DBF4: variants seen among roughly 807,000 people sequenced by gnomAD.
DBF4 encodes the protein protein DBF4 homolog A.
In DBF4, 25 loss-of-function variants were observed where a neutral mutation model predicts 76.6. The ratio of observed to expected loss-of-function variants is 0.33; its 90% confidence interval spans 0.24 to 0.46. DBF4 has a LOEUF of 0.46. Among genes scored for constraint, DBF4 ranks in the 20% least tolerant of loss-of-function variants. The pLI is 1.00. For missense variants in DBF4, 638 were observed against 760.8 expected, an observed-to-expected ratio of 0.84 and a Z score of 1.90; for synonymous variants, 213 against 258.0, an observed-to-expected ratio of 0.83 and a Z score of 1.67.
intron 2 of DBF4, among the ~76,000 whole-genome samples, chr7:87,879,083 C>T (rs530232529): frequency 2.6e-5 from 4 of 152,214 alleles, no homozygotes; most frequent in South Asian, 2.1e-4. Flanking sequence ...TGAGTAGCTA[C>T]GATTACAGGC....
At chr7:87,891,503 T>G (rs1562761080) in intron 6 of DBF4, among the ~76,000 whole-genome samples, 2 of 152,202 alleles carry the variant, frequency 1.3e-5, no homozygotes, top group African/African-American at 2.4e-5. Flanking sequence ...CTTCAGTGCA[T>G]GTTGGTAGTC....
chr7:87,903,158 C>T (rs561724302), intron 10 of DBF4, among the ~76,000 whole-genome samples: 1 of 152,374 alleles, frequency 6.6e-6, no homozygotes, highest in Admixed American at 6.5e-5. Flanking sequence ...TCTCAGCTCA[C>T]TGTAACCTCC....
chr7:87,892,139 T>G (rs989323713), intron 6 of DBF4, among the ~76,000 whole-genome samples: 3 of 152,248 alleles, frequency 2.0e-5, no homozygotes, highest in Non-Finnish European at 4.4e-5. Flanking sequence ...TGGCTCACTC[T>G]TAGTGTTGTA....
At chr7:87,896,636 A>T in intron 7 of DBF4, 126 bp downstream of exon 7, 1 of 790,606 alleles carries the variant, frequency 1.3e-6, no homozygotes, top group Non-Finnish European at 1.9e-6. Flanking sequence ...TATAGAACAT[A>T]GATCCTTGGT....
chr7:87,904,297 T>C lies in DBF4; in HGVS notation c.930T>C (p.Leu310=), dbSNP rs1332096112. The change falls in exon 11 of 12, where the codon CTT becomes CTC. Residue 310 remains leucine, a synonymous_variant. Transcript: ENST00000265728. The part of the protein sequence containing the change: ...LQKYEDLETH[L]LSEQHRNFAQ... ...TGTTTTTAATTTTGTTTTAGCACCT[T>C]CTAAGTGAGCAACACAGAAACTTTG... 6.2e-7 allele frequency: 1 copy of C among 1,604,222 alleles called. No individual in the cohort carries two copies. The highest frequency in any genetic ancestry group is 1.8e-5 in the Admixed American group (1 of 56,808).
rs767092397 is a variant in DBF4 at position 87,887,990 on chromosome 7, A to G, written c.528A>G (p.Arg176=). 6.4e-7 allele frequency: 1 copy of G among 1,554,922 alleles called. No homozygotes were observed. Among genetic ancestry groups the G allele is most frequent in the African/African-American group, 1.4e-5 (1 of 71,946 alleles). ...GVKILHIDDI[R]YYIEQKKKEL... ...TTCTTTCTTTTAATAAAGACATTAG[A>G]TACTACATTGAACAAAAGAAAAAAG... Residue 176 remains arginine, a synonymous_variant, in exon 6 of 12, where the codon AGA becomes AGG. Coordinates refer to ENST00000265728, the MANE Select transcript of DBF4 (RefSeq NM_006716.4).
chr7:87,885,797 C>A (rs1009808809), intron 3 of DBF4, among the ~76,000 whole-genome samples: 2 of 152,122 alleles, frequency 1.3e-5, no homozygotes, highest in Non-Finnish European at 2.9e-5. Context: ...AAAAAGGTTG[C>A]CAGCCCCTAT....
At chr7:87,902,870 A>G (rs1839822789) in intron 10 of DBF4, among the ~76,000 whole-genome samples, 1 of 152,206 alleles carries the variant, frequency 6.6e-6, no homozygotes, top group Admixed American at 6.5e-5. Flanking sequence ...TCAAAATGTA[A>G]AATTGCATGA....
Position 87,908,344 on chromosome 7 carries a change from G to T in DBF4, c.*181G>T. On this transcript the variant is annotated 3_prime_UTR_variant, in exon 12 of 12. Coordinates refer to ENST00000265728, the MANE Select transcript of DBF4 (RefSeq NM_006716.4). ...GAATACCTGTTAAAGAAAAATTACA[G>T]AATAAACTTGTGACTGGTCTTGTTT... The T allele has an allele frequency of 1.9e-6, 1 of 513,424 alleles. No homozygotes were observed. The highest frequency in any genetic ancestry group is 3.1e-6 in the Non-Finnish European group (1 of 325,912). 31.8% of individuals were successfully genotyped at this position (513,424 alleles called of 1,614,324 possible).
At position 87,907,651 on chromosome 7, in the gene DBF4, A is replaced by C; in HGVS notation, c.1513A>C (p.Lys505Gln). The C allele has an allele frequency of 6.2e-7, 1 of 1,614,070 alleles. No homozygotes were observed. ...FSTDNSGSQP[K>Q]QKSDTVLFPA... ...TACAGATAATAGTGGATCTCAACCAAAACAGAAGTCAGATACTGTGCTTTT... is the reference window on the plus strand; with the variant it reads ...TACAGATAATAGTGGATCTCAACCACAACAGAAGTCAGATACTGTGCTTTT... Residue 505 changes from lysine to glutamine, a missense_variant, in exon 12 of 12, where the codon AAA becomes CAA. Transcript: ENST00000265728.
intron 8 of DBF4, among the ~76,000 whole-genome samples, chr7:87,898,473 C>T (rs954718038): frequency 6.6e-6 from 1 of 151,960 alleles, no homozygotes; most frequent in African/African-American, 2.4e-5. Context: ...GTAACAGATG[C>T]AGGAAACCCA....
intron 6 of DBF4, 71 bp downstream of exon 6, chr7:87,888,130 C>T: frequency 6.8e-7 from 1 of 1,469,862 alleles, no homozygotes; most frequent in Non-Finnish European, 9.0e-7. Context: ...CAAAGTTTTC[C>T]TCCCAAGCAG....
At chr7:87,896,435 C>T (rs1387978847) in intron 6 of DBF4, 39 bp from the exon 7 acceptor site, 7 of 1,586,978 alleles carry the variant, frequency 4.4e-6, no homozygotes, top group Middle Eastern at 1.7e-4. Flanking sequence ...TTTAACTGTA[C>T]TTTCAAAGCC....
chr7:87,892,376 G>C (rs975298545), intron 6 of DBF4, among the ~76,000 whole-genome samples: 1 of 152,072 alleles, frequency 6.6e-6, no homozygotes, highest in African/African-American at 2.4e-5. Context: ...CTTTCACTTG[G>C]TAATGCTTAT....
At chr7:87,894,539 C>T (rs1406520732) in intron 6 of DBF4, among the ~76,000 whole-genome samples, 1 of 152,212 alleles carries the variant, frequency 6.6e-6, no homozygotes, top group African/African-American at 2.4e-5. Flanking sequence ...CTTTCCATTA[C>T]TCTTCCTTCC....
chr7:87,887,305 A>G (rs761626423), intron 4 of DBF4, 24 bp from the exon 5 acceptor site: 13 of 1,442,438 alleles, frequency 9.0e-6, no homozygotes. Flanking sequence ...TCCTAGAACA[A>G]CCATAAAACT....
In DBF4 at chr7:87,905,251, A is replaced by G. The variant is rs1339422133; in HGVS notation, c.1049+835A>G. The stretch of plus-strand genomic sequence containing the variant: ...ACTAATTAGCTTAGCTTTTTTGTAC[A>G]ATGGATATGACTGTATTTTGACGCA... On this transcript the variant is annotated intron_variant, in intron 11 of 11. Coordinates refer to ENST00000265728, the MANE Select transcript of DBF4 (RefSeq NM_006716.4). 2.0e-5 allele frequency among the ~76,000 whole-genome samples: 3 copies of G among 152,240 alleles called. No individual in the cohort carries two copies. The East Asian group carries it at 5.8e-4, about 29-fold the overall frequency.
At chr7:87,904,873 T>C (rs1488928773) in intron 11 of DBF4, among the ~76,000 whole-genome samples, 1 of 152,260 alleles carries the variant, frequency 6.6e-6, no homozygotes, top group Non-Finnish European at 1.5e-5. Context: ...TCTTCCCTAC[T>C]ATCAAAGATC....
Position 87,900,854 on chromosome 7 carries a change from G to T in DBF4, c.900G>T (p.Leu300Phe), listed in dbSNP as rs1443358093. 1 of 1,612,972 alleles carries T rather than the reference G, an allele frequency of 6.2e-7. No homozygotes were observed. Among genetic ancestry groups the T allele is most frequent in the East Asian group, 2.2e-5 (1 of 44,776 alleles). ...KKKKGYCECC[L>F]QKYEDLETHL... Reference sequence around the variant, plus strand: ...AAAAAGGATATTGTGAATGTTGCTTGCAGAAATATGAAGATCTAGAAACTG... The same window carrying T: ...AAAAAGGATATTGTGAATGTTGCTTTCAGAAATATGAAGATCTAGAAACTG... The change falls in exon 10 of 12, where the codon TTG becomes TTT. Residue 300 changes from leucine (L) to phenylalanine (F), a missense_variant. By Grantham distance (22) the Leu-to-Phe change is conservative. Transcript: ENST00000265728.
Sources: gnomAD v4.1 joint callset for allele counts (sites outside exome capture counted in the v4.1 genomes callset) on GRCh38, gnomAD v4.1.1 for gene constraint, MANE v1.5 for transcripts, NCBI Gene and HGNC (gene_info 2026-07-23, HGNC 2026-07-21) for gene names.